DDX3X: variants seen among roughly 807,000 people sequenced by gnomAD.
The protein encoded by DDX3X is DEAD-box helicase 3 X-linked.
Under a neutral mutation model 52.7 loss-of-function variants are expected in DDX3X, and 4 were observed. That is an observed-to-expected ratio of 0.08 (90% CI 0.04 to 0.17). The LOEUF (loss-of-function observed/expected upper bound fraction) is 0.17, where lower values mean the gene tolerates loss of function less well. Among genes scored for constraint, DDX3X ranks in the 10% least tolerant of loss-of-function variants. DDX3X has a pLI of 1.00. For missense variants in DDX3X, 222 were observed against 548.6 expected, an observed-to-expected ratio of 0.40 and a Z score of 5.95; for synonymous variants, 192 against 178.1, an observed-to-expected ratio of 1.08 and a Z score of -0.62.
chrX:41,336,252 G>A (rs1303548194), intron 1 of DDX3X: 3 of 111,902 alleles, frequency 2.7e-5, no homozygotes, highest in Non-Finnish European at 3.8e-5. Flanking sequence ...CACTTTGCAT[G>A]TATAGTTTTT....
intron 5 of DDX3X, among the ~76,000 whole-genome samples, chrX:41,358,420 C>A (rs1380492129): frequency 9.0e-6 from 1 of 111,319 alleles, no homozygotes; most frequent in Admixed American, 9.7e-5. Context: ...ACTGCCTGGG[C>A]AGAAAATGCA....
chrX:41,338,922 C>T, intron 2 of DDX3X, 114 bp from the exon 3 acceptor site: 1 of 257,297 alleles, frequency 3.9e-6, no homozygotes, highest in Non-Finnish European at 6.7e-6. Context: ...GGTAAGTAAT[C>T]AGATTGGAAG....
At chrX:41,339,335 G>C (rs1328081346) in intron 3 of DDX3X, 1 of 168,203 alleles carries the variant, frequency 5.9e-6, no homozygotes, top group Non-Finnish European at 1.1e-5. Flanking sequence ...AGTTTCACTA[G>C]TGTTGTGCTG....
chrX:41,346,425 C>A lies in DDX3X; in HGVS notation c.1497+15C>A. 3.3e-6 allele frequency: 4 copies of A among 1,203,772 alleles called. No individual in the cohort carries two copies. The highest frequency in any genetic ancestry group is 4.5e-6 in the Non-Finnish European group (4 of 890,715). On this transcript the variant is annotated intron_variant, in intron 13 of 16. Transcript: ENST00000644876. ...TGGCTACAGCAGTATGTATAAACAT[C>A]TTTCTTTTATTCAAATTGAGCATGT...
At chrX:41,359,204 C>T (rs192000506) in intron 5 of DDX3X, among the ~76,000 whole-genome samples, 1 of 112,627 alleles carries the variant, frequency 8.9e-6, no homozygotes, top group African/African-American at 3.2e-5. Flanking sequence ...TCACTTTTGC[C>T]CACCACAGGA....
chrX:41,334,638 G>A (rs2063733050), intron 1 of DDX3X: 1 of 1,075,159 alleles, frequency 9.3e-7, no homozygotes, highest in Non-Finnish European at 1.2e-6. Flanking sequence ...GTTTGCGGGA[G>A]TGCGCAGCGC....
At chrX:41,344,441 T>C in intron 10 of DDX3X, 42 bp downstream of exon 10, 1 of 1,197,640 alleles carries the variant, frequency 8.3e-7, no homozygotes, top group Non-Finnish European at 1.1e-6. Context: ...TTGTTTTGTT[T>C]TGTTCTTTTG....
chrX:41,334,421 G>A lies in DDX3X; in HGVS notation c.45+124G>A, dbSNP rs2063724824. The A allele has an allele frequency of 1.2e-5, 13 of 1,128,848 alleles. No homozygotes were observed. The highest frequency in any genetic ancestry group is 1.4e-5 in the Non-Finnish European group (12 of 849,955). 93.0% of individuals were successfully genotyped at this position (1,128,848 alleles called of 1,213,427 possible). ...ATTTTCTGGGTGCCCCGGGCTGGCG[G>A]GTGTGAGTGCCCCGGGGCTATAGAG... On this transcript the variant is annotated intron_variant, in intron 1 of 16. Coordinates refer to ENST00000644876, the MANE Select transcript of DDX3X (RefSeq NM_001356.5).
intron 10 of DDX3X, 40 bp from the exon 11 acceptor site, chrX:41,345,140 A>T (rs758983039): frequency 1.7e-6 from 2 of 1,192,561 alleles, no homozygotes; most frequent in East Asian, 5.9e-5. Context: ...TTTCTCCTCA[A>T]ATTCTAAACT....
intron 3 of DDX3X, chrX:41,339,533 C>T (rs1429856792): frequency 3.5e-5 from 4 of 112,779 alleles, no homozygotes; most frequent in African/African-American, 1.3e-4. Context: ...CTGGTTTCAT[C>T]TCCTTGCCTT....
intron 1 of DDX3X, chrX:41,334,507 C>T (rs932577061): frequency 9.1e-6 from 10 of 1,093,962 alleles, no homozygotes; most frequent in South Asian, 6.7e-5. Context: ...GTATTGTCCC[C>T]GGGACGAGCA....
At chrX:41,353,306 A>AAC (rs1470021102), downstream of DDX3X, among the ~76,000 whole-genome samples, 5 of 104,392 alleles carry the variant, frequency 4.8e-5, no homozygotes, top group African/African-American at 1.7e-4. Flanking sequence ...ACAAAAAAAA[A>AAC]AAAAAAAAAA....
intron 1 of DDX3X, chrX:41,336,295 T>G (rs1180813091): frequency 8.9e-6 from 1 of 111,840 alleles, no homozygotes; most frequent in Non-Finnish European, 1.9e-5. Flanking sequence ...TTCCTGGTTA[T>G]AAAACGTTAT....
At position 41,341,484 on chromosome X, in the gene DDX3X, G is replaced by A. The variant is rs1263310293; in HGVS notation, c.152G>A (p.Gly51Asp). The change falls in exon 4 of 17, where the codon GGT (glycine) becomes GAT (aspartate). Residue 51 changes from glycine (G) to aspartate (D), a missense_variant and splice_region_variant. This residue lies in a region of DDX3X where 93 missense variants were observed against 123.7 expected (regional missense o/e 0.75). Transcript: ENST00000644876. ...TGTATTTGTGCTTTTTTAATCAAAG[G>A]TTTCTACGATAAAGACAGTTCAGGG... Reference protein sequence around the residue: ...PHLRNREATKGFYDKDSSGWS... With the variant: ...PHLRNREATKDFYDKDSSGWS... 1.7e-6 allele frequency: 2 copies of A among 1,196,695 alleles called. No homozygotes were observed. Among genetic ancestry groups the A allele is most frequent in the Admixed American group, 4.4e-5 (2 of 44,957 alleles).
chrX:41,333,728 C>T (rs12008630), upstream of DDX3X: 1 of 110,492 alleles, frequency 9.1e-6, no homozygotes, highest in African/African-American at 3.3e-5. Flanking sequence ...AAAACAAAAA[C>T]AAAAAAAACG....
chrX:41,361,156 ACTT>A (rs1204302668), intron 5 of DDX3X, among the ~76,000 whole-genome samples: 3 of 105,481 alleles, frequency 2.8e-5, no homozygotes, highest in Admixed American at 1.1e-4. Context: ...CACTGTGTCT[ACTT>A]CTTGCCTTAT....
At chrX:41,345,345 T>C in intron 11 of DDX3X, 21 bp downstream of exon 11, 1 of 1,202,755 alleles carries the variant, frequency 8.3e-7, no homozygotes, top group East Asian at 3.0e-5. Flanking sequence ...ATGTTGCAAA[T>C]TTTATTTATT....
At chrX:41,355,836 T>C (rs989735051) in intron 5 of DDX3X, among the ~76,000 whole-genome samples, 2 of 110,072 alleles carry the variant, frequency 1.8e-5, no homozygotes, top group Non-Finnish European at 1.9e-5. Flanking sequence ...TAGTATCTTA[T>C]TGTCTTAATT....
chrX:41,343,805 G>A lies in DDX3X; in HGVS notation c.748G>A (p.Ala250Thr), dbSNP rs1131691455. 2 of 1,205,449 alleles carry A rather than the reference G, an allele frequency of 1.7e-6. No homozygotes were observed. Among genetic ancestry groups the A allele is most frequent in the Non-Finnish European group, 2.2e-6 (2 of 892,116 alleles). Reference protein sequence around the residue: ...SQIYSDGPGEALRAMKENGRY... With the variant: ...SQIYSDGPGETLRAMKENGRY... ...GATTTATTCAGATGGTCCAGGCGAG[G>A]CTTTGAGGGCCATGAAGGTAGATGT... is the stretch of plus-strand genomic sequence containing the variant. Residue 250 changes from alanine to threonine, a missense_variant, in exon 8 of 17, where the codon GCT (alanine) becomes ACT (threonine). Around this residue, in one of 5 missense-constraint regions of DDX3X, gnomAD observed 73 missense variants for 301.4 expected, o/e 0.24. Coordinates refer to ENST00000644876, the MANE Select transcript of DDX3X (RefSeq NM_001356.5).
Sources: gnomAD v4.1 joint callset for allele counts (sites outside exome capture counted in the v4.1 genomes callset) on GRCh38, gnomAD v4.1.1 for gene constraint, gnomAD v4.1.1 regional missense constraint, MANE v1.5 for transcripts, NCBI Gene and HGNC (gene_info 2026-07-23, HGNC 2026-07-21) for gene names.